AGAP2: variants seen among roughly 807,000 people sequenced by gnomAD.
AGAP2 encodes the protein arf-GAP with GTPase, ANK repeat and PH domain-containing protein 2.
Under a neutral mutation model 110.9 loss-of-function variants are expected in AGAP2, and 32 were observed. That is an observed-to-expected ratio of 0.29 (90% CI 0.22 to 0.39). The LOEUF is 0.39. AGAP2 is among the 10% of genes least tolerant of loss of function. The pLI is 1.00. For synonymous variants in AGAP2, 702 were observed against 713.0 expected (o/e 0.98, Z 0.25); for missense variants, 1,285 against 1,638.5 (o/e 0.78, Z 3.72).
chr12:57,731,069 G>A, intron 10 of AGAP2, 116 bp from the exon 11 acceptor site: 1 of 1,122,188 alleles, frequency 8.9e-7, no homozygotes, highest in South Asian at 1.6e-5. Context: ...GGGCCAAATG[G>A]GTTGTGATGA....
Position 57,737,988 on chromosome 12 carries a change from C to A in AGAP2, c.259G>T (p.Gly87Cys). ...WISTSSAGTG[G>C]AEPPALSPAP... ...GGGGACAGGGCTGGGGGCTCCGCGCCCCCGGTGCCCGCGCTGCTCGTGCTG... is the reference window on the plus strand; with the variant it reads ...GGGGACAGGGCTGGGGGCTCCGCGCACCCGGTGCCCGCGCTGCTCGTGCTG... Residue 87 changes from glycine to cysteine, a missense_variant, in exon 1 of 19, where the codon GGC (glycine) becomes TGC (cysteine). Physicochemically the swap from Gly to Cys is radical, Grantham distance 159. Transcript: ENST00000547588. This position sits in a 1 kb window ranked among gnomAD's most constrained non-coding sequence, Gnocchi z 5.9. 1 of 1,451,716 alleles carries A rather than the reference C, an allele frequency of 6.9e-7. No homozygotes were observed. The highest frequency in any genetic ancestry group is 1.4e-5 in the South Asian group (1 of 72,760). 89.9% of individuals were successfully genotyped at this position (1,451,716 alleles called of 1,614,324 possible).
upstream of AGAP2, chr12:57,741,893 G>A (rs778040700): frequency 6.2e-7 from 1 of 1,608,980 alleles, no homozygotes; most frequent in Non-Finnish European, 8.5e-7. Flanking sequence ...CCCAAGTTGA[G>A]GGCTGACCTT....
intron 1 of AGAP2, among the ~76,000 whole-genome samples, chr12:57,736,077 GA>G (rs1400347775): frequency 1.3e-5 from 2 of 152,200 alleles, no homozygotes; most frequent in Non-Finnish European, 2.9e-5. Context: ...AGGCCCGGGG[GA>G]AAGGATGCTC....
chr12:57,737,990 C>G lies in AGAP2; in HGVS notation c.257G>C (p.Gly86Ala). The G allele has an allele frequency of 6.9e-7, 1 of 1,456,364 alleles. No homozygotes were observed. The highest frequency in any genetic ancestry group is 1.9e-4 in the Middle Eastern group (1 of 5,198). The allele number at this position is 1,456,364 out of a possible 1,614,324, so 90.2% of individuals were successfully genotyped here. Residue 86 changes from glycine to alanine, a missense_variant, in exon 1 of 19, where the codon GGG (glycine) becomes GCG (alanine). By Grantham distance (60) the Gly-to-Ala change is moderately conservative (BLOSUM62 0). Transcript: ENST00000547588. This position sits in a 1 kb window ranked among gnomAD's most constrained non-coding sequence, Gnocchi z 5.9. ...GGACAGGGCTGGGGGCTCCGCGCCC[C>G]CGGTGCCCGCGCTGCTCGTGCTGAT... ...LWISTSSAGT[G>A]GAEPPALSPA...
At chr12:57,736,947 G>C (rs1239194990) in intron 1 of AGAP2, 132 bp downstream of exon 1, 1 of 1,426,896 alleles carries the variant, frequency 7.0e-7, no homozygotes, top group East Asian at 2.5e-5. Flanking sequence ...ATCCTTGACA[G>C]AGGGGTGAGC....
intron 10 of AGAP2, 49 bp from the exon 11 acceptor site, chr12:57,731,002 A>G (rs1235572738): frequency 2.0e-6 from 3 of 1,465,624 alleles, no homozygotes; most frequent in South Asian, 1.4e-5. Context: ...GGTCCTTGGT[A>G]TGCTGGGAAG....
Position 57,737,676 on chromosome 12 carries a change from T to C in AGAP2, c.571A>G (p.Lys191Glu). Residue 191 changes from lysine to glutamate, a missense_variant, in exon 1 of 19, where the codon AAG becomes GAG. Lys to Glu is a moderately conservative substitution (Grantham distance 56, BLOSUM62 1). Transcript: ENST00000547588. This position sits in a 1 kb window ranked among gnomAD's most constrained non-coding sequence, Gnocchi z 5.9. ...TTGGCTCCACTCGTGGTCACGGTCT[T>C]GCAAGGCTTGGGAGCCGGCGGAGGA... is the stretch of plus-strand genomic sequence containing the variant. ...APPPPAPKPCKTVTTSGAKAG... is the reference protein window; with the variant it reads ...APPPPAPKPCETVTTSGAKAG... 6.5e-7 allele frequency: 1 copy of C among 1,549,528 alleles called. No homozygotes were observed. Among genetic ancestry groups the C allele is most frequent in the Non-Finnish European group, 8.7e-7 (1 of 1,148,628 alleles).
At chr12:57,739,808 A>C (rs755277248), upstream of AGAP2, 1 of 152,166 alleles carries the variant, frequency 6.6e-6, no homozygotes, top group Non-Finnish European at 1.5e-5. Context: ...AGGCAGTGAG[A>C]GCCGGCCTCT....
Position 57,737,884 on chromosome 12 carries a change from G to T in AGAP2, c.363C>A (p.Pro121=), listed in dbSNP as rs1260850992. The part of the protein sequence containing the change: ...RLSLWAVPPG[P]PLSGGLSPDP... The stretch of plus-strand genomic sequence containing the variant: ...CGGGGCTCAGTCCCCCGGAGAGCGG[G>T]GGTCCCGGAGGGACGGCCCAGAGGG... Residue 121 remains proline, a synonymous_variant, in exon 1 of 19, where the codon CCC becomes CCA. Transcript: ENST00000547588. This position sits in a 1 kb window ranked among gnomAD's most constrained non-coding sequence, Gnocchi z 5.9. 7 of 1,412,396 alleles carry T rather than the reference G, an allele frequency of 5.0e-6. No individual in the cohort carries two copies. Among genetic ancestry groups the T allele is most frequent in the Non-Finnish European group, 6.4e-6 (7 of 1,096,820 alleles). The allele number at this position is 1,412,396 out of a possible 1,614,324, so 87.5% of individuals were successfully genotyped here.
At chr12:57,729,287 A>G (rs1954838270) in intron 13 of AGAP2, among the ~76,000 whole-genome samples, 1 of 151,304 alleles carries the variant, frequency 6.6e-6, no homozygotes, top group African/African-American at 2.4e-5. Context: ...ATGCTGAGAT[A>G]AGGGGCTGAA....
Position 57,729,575 on chromosome 12 carries a change from C to A in AGAP2, c.2557+64G>T. 1.9e-6 allele frequency: 3 copies of A among 1,569,420 alleles called. No individual in the cohort carries two copies. The South Asian group carries it at 3.5e-5, about 19-fold the overall frequency. Reference sequence around the variant, plus strand: ...TTTTCCTCCTGCTGCAGGAGTTAGGCCAGGGAGCTGATGTTGGGGATGAGG... The same window carrying A: ...TTTTCCTCCTGCTGCAGGAGTTAGGACAGGGAGCTGATGTTGGGGATGAGG... On this transcript the variant is annotated intron_variant, in intron 13 of 18. Transcript: ENST00000547588.
rs1262369435 is a variant in AGAP2, at chr12:57,731,465, G to T, written c.2046C>A (p.Phe682Leu). The T allele has an allele frequency of 6.2e-7, 1 of 1,614,072 alleles. No individual in the cohort carries two copies. ...AGGAATTGCCACTTCGTTTTAGTAG[G>T]AAGCTCTGGAGAAAGGGGAAAGACA... The part of the protein sequence containing the change: ...SGRAIPIKQS[F>L]LLKRSGNSLN... The change falls in exon 10 of 19, where the codon TTC (phenylalanine) becomes TTA (leucine). Residue 682 changes from phenylalanine (F) to leucine (L), a missense_variant. Physicochemically the swap from Phe to Leu is conservative, Grantham distance 22. Around this residue, in one of 7 missense-constraint regions of AGAP2, gnomAD observed 24 missense variants for 69.5 expected, o/e 0.35. Coordinates refer to ENST00000547588, the MANE Select transcript of AGAP2 (RefSeq NM_001122772.3).
Position 57,738,296 on chromosome 12 carries a change from GCC to G in AGAP2, c.-52_-51del. ...GGAGGGGAGGGGACTCCCCCGGACT[GCC>G]TCAGGGGGGCCCGGCCATGGGGCCG... On this transcript the variant is annotated 5_prime_UTR_variant, in exon 1 of 19. Transcript: ENST00000547588. This position sits in a 1 kb window ranked among gnomAD's most constrained non-coding sequence, Gnocchi z 6.7. 7.1e-7 allele frequency: 1 copy of G among 1,413,080 alleles called. No individual in the cohort carries two copies. Among genetic ancestry groups the G allele is most frequent in the Non-Finnish European group, 9.2e-7 (1 of 1,089,100 alleles). 87.5% of individuals were successfully genotyped at this position (1,413,080 alleles called of 1,614,324 possible). A position where few individuals can be genotyped will look rare whatever the true frequency, so the allele number is the denominator to read the frequency against.
At chr12:57,729,834 G>C in intron 12 of AGAP2, 67 bp from the exon 13 acceptor site, 2 of 1,536,408 alleles carry the variant, frequency 1.3e-6, no homozygotes, top group Non-Finnish European at 1.7e-6. Context: ...TTGATAGCCT[G>C]TCTCATTCCC....
chr12:57,727,244 A>G lies in AGAP2; in HGVS notation c.3081-15T>C. ...CGCGCTCCTCCCTGCAAGACCAGGG[A>G]TCAACGGAAAAGGCTCTAGGGACCC... is the stretch of plus-strand genomic sequence containing the variant. On this transcript the variant is annotated splice_polypyrimidine_tract_variant and intron_variant, in intron 17 of 18. Coordinates refer to ENST00000547588, the MANE Select transcript of AGAP2 (RefSeq NM_001122772.3). 2 of 1,612,510 alleles carry G rather than the reference A, an allele frequency of 1.2e-6. No homozygotes were observed. Among genetic ancestry groups the G allele is most frequent in the Non-Finnish European group, 1.7e-6 (2 of 1,179,862 alleles).
chr12:57,735,513 T>C, intron 1 of AGAP2, 86 bp from the exon 2 acceptor site: 2 of 1,315,574 alleles, frequency 1.5e-6, no homozygotes. Flanking sequence ...CCTCTGCAGC[T>C]TTCCAACCCC....
In AGAP2 at chr12:57,725,590, G is replaced by A. The variant is rs1162374864; in HGVS notation, c.*962C>T. 1 of 152,258 alleles carries A rather than the reference G, an allele frequency of 6.6e-6. No individual in the cohort carries two copies. Among genetic ancestry groups the A allele is most frequent in the Non-Finnish European group, 1.5e-5 (1 of 68,194 alleles). The allele number at this position is 152,258 out of a possible 1,614,324, so 9.4% of individuals were successfully genotyped here. On this transcript the variant is annotated 3_prime_UTR_variant, in exon 19 of 19. Coordinates refer to ENST00000547588, the MANE Select transcript of AGAP2 (RefSeq NM_001122772.3). Reference sequence around the variant, plus strand: ...GGGCTGGACAGAAAGAATAATGGGGGAGGGGTCCCACTGTAGGGGTGCCCC... The same window carrying A: ...GGGCTGGACAGAAAGAATAATGGGGAAGGGGTCCCACTGTAGGGGTGCCCC...
chr12:57,741,914 C>A (rs201584017), upstream of AGAP2: 6 of 1,613,328 alleles, frequency 3.7e-6, no homozygotes, highest in African/African-American at 8.0e-5. Flanking sequence ...TCTCTTACCT[C>A]GAATGCTGTC....
intron 5 of AGAP2, 134 bp from the exon 6 acceptor site, chr12:57,733,113 T>C: frequency 8.4e-7 from 1 of 1,192,310 alleles, no homozygotes; most frequent in Admixed American, 2.1e-5. Context: ...ATCTTTTCTG[T>C]GACCAGGTGG....
Sources: allele counts gnomAD v4.1 joint callset (sites outside exome capture counted in the v4.1 genomes callset), GRCh38; gene constraint gnomAD v4.1.1; regional missense constraint gnomAD v4.1.1; non-coding constraint Gnocchi (gnomAD v3.1); transcripts MANE v1.5; gene names NCBI Gene and HGNC (gene_info 2026-07-23, HGNC 2026-07-21).